The following CFAP251 variants were observed in gnomAD, a reference collection of about 807,000 sequenced individuals.
CFAP251 encodes the protein cilia and flagella associated protein 251.
A neutral mutation model predicts 126.7 loss-of-function variants in CFAP251; 93 were observed. The observed-to-expected ratio is 0.73, with a 90% CI of 0.62 to 0.87. CFAP251 has a LOEUF of 0.87. CFAP251 is among the 40% of genes least tolerant of loss of function. The probability of loss-of-function intolerance (pLI) is 0.00; values close to 1 mark genes in which losing one functional copy is unlikely to be tolerated. For synonymous variants in CFAP251, 503 were observed against 506.9 expected, an observed-to-expected ratio of 0.99 and a Z score of 0.10; for missense variants, 1,287 against 1,389.2, an observed-to-expected ratio of 0.93 and a Z score of 1.17.
intron 19 of CFAP251, among the ~76,000 whole-genome samples, chr12:121,978,927 G>T (rs1012823096): frequency 6.6e-6 from 1 of 152,156 alleles, no homozygotes; most frequent in African/African-American, 2.4e-5. Flanking sequence ...ATATGAAATT[G>T]CAGACCCTAT....
chr12:121,966,906 A>G lies in CFAP251; in HGVS notation c.2493-49A>G, dbSNP rs200442140. ...GCCCGACCAAAGAATCTTAAAACCT[A>G]TGTTGAGATTTGTGGAATTTTAAAA... is the stretch of plus-strand genomic sequence containing the variant. On this transcript the variant is annotated intron_variant, in intron 15 of 21. Coordinates refer to ENST00000288912, the MANE Select transcript of CFAP251 (RefSeq NM_144668.6). 9.0e-6 allele frequency: 14 copies of G among 1,560,432 alleles called. No individual in the cohort carries two copies. In the South Asian group the frequency reaches 1.0e-4, roughly 11 times the overall value.
At chr12:121,930,049 G>A (rs1027800163) in intron 3 of CFAP251, among the ~76,000 whole-genome samples, 3 of 152,134 alleles carry the variant, frequency 2.0e-5, no homozygotes, top group Admixed American at 6.6e-5. Context: ...GTAATATGCA[G>A]TCTTTTCATA....
At chr12:121,964,790 C>T (rs192224769) in intron 15 of CFAP251, among the ~76,000 whole-genome samples, 10 of 152,184 alleles carry the variant, frequency 6.6e-5, no homozygotes, top group Non-Finnish European at 1.5e-5. Flanking sequence ...ATCCCAGCTA[C>T]GTGGGAGACT....
intron 3 of CFAP251, among the ~76,000 whole-genome samples, chr12:121,929,718 C>A (rs1459145079): frequency 6.6e-6 from 1 of 151,574 alleles, no homozygotes; most frequent in African/African-American, 2.4e-5. Flanking sequence ...TGCTCTGTTG[C>A]CCAGGCTGGA....
At position 121,954,215 on chromosome 12, in the gene CFAP251, C is replaced by T; in HGVS notation, c.1416C>T (p.Val472=). Residue 472 remains valine, a synonymous_variant, in exon 10 of 22, where the codon GTC becomes GTT. Coordinates refer to ENST00000288912, the MANE Select transcript of CFAP251 (RefSeq NM_144668.6). ...LSATMEGKLV[V]WDIHRPPSSA... The stretch of plus-strand genomic sequence containing the variant: ...CCACAATGGAAGGGAAGCTGGTTGT[C>T]TGGGACATACACCGCCCACCCTCAT... 1 of 1,614,088 alleles carries T rather than the reference C, an allele frequency of 6.2e-7. No homozygotes were observed. Among genetic ancestry groups the T allele is most frequent in the Non-Finnish European group, 8.5e-7 (1 of 1,180,018 alleles).
chr12:121,926,291 T>C (rs1439710259), intron 3 of CFAP251, among the ~76,000 whole-genome samples: 1 of 151,950 alleles, frequency 6.6e-6, no homozygotes, highest in Non-Finnish European at 1.5e-5. Context: ...TTTCCTTCAC[T>C]TTCTTTTTCT....
chr12:122,000,912 T>G (rs563369587), intron 20 of CFAP251, among the ~76,000 whole-genome samples: 1 of 151,768 alleles, frequency 6.6e-6, no homozygotes, highest in African/African-American at 2.4e-5. Flanking sequence ...GAAAAGGGGC[T>G]GGGCGCAGTG....
At chr12:121,961,231 TTTCC>T (rs549484463) in intron 14 of CFAP251, among the ~76,000 whole-genome samples, 1 of 151,788 alleles carries the variant, frequency 6.6e-6, no homozygotes, top group Non-Finnish European at 1.5e-5. Context: ...TCTGTCTGTT[TTTCC>T]TTCCTCCCTC....
chr12:121,978,372 C>T (rs1423531370), intron 19 of CFAP251, among the ~76,000 whole-genome samples: 166 of 88,348 alleles, frequency 1.9e-3, no homozygotes, highest in African/African-American at 6.6e-3. Context: ...CCAGCCTGGG[C>T]GACAGAGCAA....
chr12:121,999,744 T>C lies in CFAP251; in HGVS notation c.3035T>C (p.Phe1012Ser). 1 of 1,609,220 alleles carries C rather than the reference T, an allele frequency of 6.2e-7. No homozygotes were observed. The highest frequency in any genetic ancestry group is 8.5e-7 in the Non-Finnish European group (1 of 1,175,794). The change falls in exon 20 of 22, where the codon TTT becomes TCT. Residue 1012 changes from phenylalanine to serine, a missense_variant. By Grantham distance (155) the Phe-to-Ser change is radical. Coordinates refer to ENST00000288912, the MANE Select transcript of CFAP251 (RefSeq NM_144668.6). ...GATGATATATTTAACGAAATCAAAT[T>C]TGGTGAATATGTGGACACTGGAAAG... ...KIDDIFNEIKFGEYVDTGKLI... is the reference protein window; with the variant it reads ...KIDDIFNEIKSGEYVDTGKLI...
chr12:121,992,338 A>G, intron 19 of CFAP251: 1 of 985,354 alleles, frequency 1.0e-6, no homozygotes, highest in South Asian at 4.7e-5. Context: ...GAAGCTGCCA[A>G]CTCCGTGCTT....
chr12:121,920,337 C>T (rs1880113878), intron 1 of CFAP251, among the ~76,000 whole-genome samples: 1 of 148,486 alleles, frequency 6.7e-6, no homozygotes, highest in South Asian at 2.1e-4. Context: ...AAGCTATTCT[C>T]CTGCCTCGGC....
At position 122,000,018 on chromosome 12, in the gene CFAP251, C is replaced by T. The variant is rs1883112335; in HGVS notation, c.3235+74C>T. 7 of 1,363,508 alleles carry T rather than the reference C, an allele frequency of 5.1e-6. No individual in the cohort carries two copies. In the Admixed American group the frequency reaches 7.7e-5, roughly 15 times the overall value. 84.5% of individuals were successfully genotyped at this position (1,363,508 alleles called of 1,614,324 possible). A position where few individuals can be genotyped will look rare whatever the true frequency, so the allele number is the denominator to read the frequency against. ...GTGTAGAGAACTGAGTTTGGGGAGC[C>T]AGCCCCTGTGGAGCTCCATCTTTCA... On this transcript the variant is annotated intron_variant, in intron 20 of 21. Transcript: ENST00000288912.
chr12:121,985,785 A>G (rs1159987113), intron 19 of CFAP251, among the ~76,000 whole-genome samples: 1 of 152,106 alleles, frequency 6.6e-6, no homozygotes, highest in African/African-American at 2.4e-5. Flanking sequence ...GTTGTCACAT[A>G]GTCTATTGTG....
intron 15 of CFAP251, among the ~76,000 whole-genome samples, chr12:121,962,737 A>G (rs57554324): frequency 6.6e-6 from 1 of 151,582 alleles, no homozygotes; most frequent in East Asian, 1.9e-4. Flanking sequence ...CAGGATAAAA[A>G]GGTGGGGAGG....
intron 16 of CFAP251, 32 bp from the exon 17 acceptor site, chr12:121,967,974 G>A: frequency 1.9e-6 from 3 of 1,577,852 alleles, no homozygotes; most frequent in Middle Eastern, 1.7e-4. Context: ...AGCTACCTGA[G>A]TCTGAATATC....
chr12:121,954,740 C>T (rs199794027), intron 10 of CFAP251, among the ~76,000 whole-genome samples: 2 of 131,526 alleles, frequency 1.5e-5, no homozygotes, highest in East Asian at 4.9e-4. Flanking sequence ...GAACTGGGAA[C>T]ATTGGTTGCC....
At chr12:121,923,439 G>T (rs973864757) in intron 2 of CFAP251, among the ~76,000 whole-genome samples, 183 bp from the exon 3 acceptor site, 1 of 152,168 alleles carries the variant, frequency 6.6e-6, no homozygotes, top group African/African-American at 2.4e-5. Context: ...GATTACAGGG[G>T]TGAGCCATTA....
intron 7 of CFAP251, among the ~76,000 whole-genome samples, chr12:121,944,102 T>C (rs1248076719): frequency 6.6e-6 from 1 of 152,210 alleles, no homozygotes. Flanking sequence ...CCTGAGTCAC[T>C]GCTCCCTGCT....
Sources: gnomAD v4.1 joint callset for allele counts (sites outside exome capture counted in the v4.1 genomes callset) on GRCh38, gnomAD v4.1.1 for gene constraint, MANE v1.5 for transcripts, NCBI Gene and HGNC (gene_info 2026-07-23, HGNC 2026-07-21) for gene names.